MYH15: variants seen among roughly 807,000 people sequenced by gnomAD.
MYH15 encodes the protein myosin-15.
A neutral mutation model predicts 240.5 loss-of-function variants in MYH15; 227 were observed. The ratio of observed to expected loss-of-function variants is 0.94; its 90% CI spans 0.85 to 1.05. The LOEUF is 1.05. MYH15 is among the 50% of genes least tolerant of loss of function. The pLI is 0.00. For missense variants in MYH15, 2,217 were observed against 2,247.5 expected (o/e 0.99, Z 0.27); for synonymous variants, 785 against 796.7 (o/e 0.99, Z 0.25).
chr3:108,413,475 T>C (rs535544376), intron 30 of MYH15, among the ~76,000 whole-genome samples: 3 of 152,222 alleles, frequency 2.0e-5, no homozygotes, highest in Non-Finnish European at 4.4e-5. Flanking sequence ...TTTGCCAAGC[T>C]ACCAAGCCAG....
the MYH15 span, among the ~76,000 whole-genome samples, chr3:108,549,326 T>C: frequency 1.3e-5 from 2 of 151,566 alleles, no homozygotes; most frequent in Admixed American, 6.6e-5. Flanking sequence ...ACTGATATAG[T>C]AAAGGCACTC....
rs534824423 is a variant in MYH15 at position 108,516,014 on chromosome 3, A to G, written c.-57-5427T>C. Among the ~76,000 whole-genome samples the G allele has an allele frequency of 1.6e-4, 24 of 152,308 alleles. No individual in the cohort carries two copies. The South Asian group carries it at 4.1e-3, about 26-fold the overall frequency. Reference sequence around the variant, plus strand: ...CTCAGCACTCATCTCTTTCAATCAGAGCTAGACAATAAATATGGGGATGAG... The same window carrying G: ...CTCAGCACTCATCTCTTTCAATCAGGGCTAGACAATAAATATGGGGATGAG... On this transcript the variant is annotated intron_variant, in intron 1 of 41. Transcript: ENST00000273353.
intron 14 of MYH15, among the ~76,000 whole-genome samples, chr3:108,465,777 A>C (rs1254837801): frequency 6.6e-6 from 1 of 152,130 alleles, no homozygotes; most frequent in Non-Finnish European, 1.5e-5. Flanking sequence ...AAATACAAAA[A>C]TTAGCCAGGA....
At chr3:108,410,261 T>A (rs1034532303) in intron 31 of MYH15, among the ~76,000 whole-genome samples, 1 of 152,142 alleles carries the variant, frequency 6.6e-6, no homozygotes, top group Non-Finnish European at 1.5e-5. Context: ...TAGAACAATA[T>A]GCAATTTGGG....
the MYH15 span, among the ~76,000 whole-genome samples, chr3:108,542,410 A>G: frequency 6.6e-6 from 1 of 152,148 alleles, no homozygotes; most frequent in Admixed American, 6.5e-5. Context: ...CCGCTCTTTC[A>G]TTCTTTCAAG....
rs373438468 is a variant in MYH15 at position 108,416,982 on chromosome 3, C to T, written c.3830-52G>A. On this transcript the variant is annotated intron_variant, in intron 28 of 40. Transcript: ENST00000693548. Reference sequence around the variant, plus strand: ...TAATTACAGTCTTCCTATCTATTGCCTCCTTCACTTGACTTACTGACTTTA... The same window carrying T: ...TAATTACAGTCTTCCTATCTATTGCTTCCTTCACTTGACTTACTGACTTTA... 9.8e-5 allele frequency: 135 copies of T among 1,380,916 alleles called. No individual in the cohort carries two copies. The African/African-American group carries it at 1.9e-3, about 19-fold the overall frequency. 85.5% of individuals were successfully genotyped at this position (1,380,916 alleles called of 1,614,324 possible).
At chr3:108,404,092 T>A (rs1256791517) in intron 33 of MYH15, among the ~76,000 whole-genome samples, 1 of 152,116 alleles carries the variant, frequency 6.6e-6, no homozygotes, top group Non-Finnish European at 1.5e-5. Flanking sequence ...TCAAAAAAAT[T>A]CTTTTAGACA....
At chr3:108,547,166 T>A in the MYH15 span, among the ~76,000 whole-genome samples, 1 of 151,952 alleles carries the variant, frequency 6.6e-6, no homozygotes, top group Non-Finnish European at 1.5e-5. Flanking sequence ...CACACCTAAC[T>A]AATTTTTTTT....
rs2082747001 is a variant in MYH15 at position 108,428,661 on chromosome 3, T to C, written c.3533A>G (p.Glu1178Gly). The C allele has an allele frequency of 3.1e-6, 5 of 1,613,764 alleles. No individual in the cohort carries two copies. The highest frequency in any genetic ancestry group is 4.2e-6 in the Non-Finnish European group (5 of 1,180,008). The change falls in exon 27 of 41, where the codon GAG (glutamate) becomes GGG (glycine). Residue 1178 changes from glutamate to glycine, a missense_variant. Coordinates refer to ENST00000693548, the MANE Select transcript of MYH15 (RefSeq NM_014981.3). ...RDMEEATLHF[E>G]TTSASLKKRH... Reference sequence around the variant, plus strand: ...CTTCTTCAAAGATGCAGAAGTTGTCTCAAAGTGCAGAGTGGCCTCTTCCAT... The same window carrying C: ...CTTCTTCAAAGATGCAGAAGTTGTCCCAAAGTGCAGAGTGGCCTCTTCCAT...
chr3:108,402,078 T>C (rs2082509830), intron 33 of MYH15, among the ~76,000 whole-genome samples: 1 of 152,216 alleles, frequency 6.6e-6, no homozygotes, highest in Non-Finnish European at 1.5e-5. Context: ...GGTCATTTAT[T>C]TCCCTTACGA....
rs1299673623 is a variant in MYH15 at position 108,456,810 on chromosome 3, A to G, written c.2094T>C (p.Arg698=). Residue 698 remains arginine, a synonymous_variant, in exon 19 of 41, where the codon CGT becomes CGC. Coordinates refer to ENST00000693548, the MANE Select transcript of MYH15 (RefSeq NM_014981.3). ...NGVLEGTRIC[R]EGFPNRLQYA... is the part of the protein sequence containing the mutation. Reference sequence around the variant, plus strand: ...ACTGCAGTCGGTTTGGAAAACCTTCACGGCATATCCTAGTCCCTTCCAAGA... The same window carrying G: ...ACTGCAGTCGGTTTGGAAAACCTTCGCGGCATATCCTAGTCCCTTCCAAGA... The G allele has an allele frequency of 6.2e-7, 1 of 1,613,744 alleles. No homozygotes were observed. The highest frequency in any genetic ancestry group is 8.5e-7 in the Non-Finnish European group (1 of 1,179,794).
At chr3:108,522,783 T>C (rs1559676653) in intron 1 of MYH15, among the ~76,000 whole-genome samples, 1 of 152,144 alleles carries the variant, frequency 6.6e-6, no homozygotes, top group Admixed American at 6.6e-5. Flanking sequence ...ATTCATACGA[T>C]GGTGTTTTGA....
At position 108,430,808 on chromosome 3, in the gene MYH15, C is replaced by T. The variant is rs183329566; in HGVS notation, c.3312+24G>A. On this transcript the variant is annotated intron_variant, in intron 26 of 40. Coordinates refer to ENST00000693548, the MANE Select transcript of MYH15 (RefSeq NM_014981.3). ...ACCCATGGATCTAAATATAAATACA[C>T]AGGCATATTTGATAATTGATTACCT... 8 of 1,548,446 alleles carry T rather than the reference C, an allele frequency of 5.2e-6. No homozygotes were observed. In the East Asian group the frequency reaches 1.8e-4, roughly 35 times the overall value.
At chr3:108,400,280 T>C (rs2082494315) in intron 33 of MYH15, among the ~76,000 whole-genome samples, 1 of 152,114 alleles carries the variant, frequency 6.6e-6, no homozygotes, top group Non-Finnish European at 1.5e-5. Context: ...AAAATAAACT[T>C]CTATTTGTTT....
chr3:108,512,116 G>A (rs2083526179), upstream of MYH15, among the ~76,000 whole-genome samples: 1 of 152,198 alleles, frequency 6.6e-6, no homozygotes, highest in African/African-American at 2.4e-5. Context: ...GCCCTCCAGA[G>A]ATGCGACTGA....
intron 25 of MYH15, among the ~76,000 whole-genome samples, chr3:108,431,485 C>T (rs1354320684): frequency 6.6e-6 from 1 of 152,220 alleles, no homozygotes. Context: ...GCAGCATCCA[C>T]GTTAGATGTG....
intron 9 of MYH15, among the ~76,000 whole-genome samples, chr3:108,487,697 A>G (rs2083316556): frequency 6.6e-6 from 1 of 152,204 alleles, no homozygotes; most frequent in Non-Finnish European, 1.5e-5. Flanking sequence ...GACACTTTTG[A>G]AAGTATACAT....
Position 108,499,450 on chromosome 3 carries a change from C to G in MYH15, c.524+5G>C, listed in dbSNP as rs1307903066. 1 of 1,613,040 alleles carries G rather than the reference C, an allele frequency of 6.2e-7. No homozygotes were observed. The highest frequency in any genetic ancestry group is 8.5e-7 in the Non-Finnish European group (1 of 1,179,660). On this transcript the variant is annotated splice_donor_5th_base_variant and intron_variant, in intron 5 of 40. Transcript: ENST00000693548. ...CCAAAAAAGAAAAACAAGGCAAACA[C>G]TTACGTGAAGAGTATAGACTGATTT...
chr3:108,485,296 C>T (rs993529184), intron 10 of MYH15, 67 bp from the exon 11 acceptor site: 59 of 1,572,930 alleles, frequency 3.8e-5, no homozygotes, highest in Non-Finnish European at 4.8e-5. Flanking sequence ...ACCTCACCCC[C>T]GCTGTGTTAC....
Sources: allele counts gnomAD v4.1 joint callset (sites outside exome capture counted in the v4.1 genomes callset), GRCh38; gene constraint gnomAD v4.1.1; transcripts MANE v1.5; gene names NCBI Gene and HGNC (gene_info 2026-07-23, HGNC 2026-07-21).